TP63: variants seen among roughly 807,000 people sequenced by gnomAD.
The protein encoded by TP63 is tumor protein p63, also known as tumor protein 63.
In TP63, 17 loss-of-function variants were observed where a neutral mutation model predicts 82.8. The ratio of observed to expected loss-of-function variants is 0.21; its 90% CI spans 0.14 to 0.31. The LOEUF (loss-of-function observed/expected upper bound fraction) is 0.31. Among genes scored for constraint, TP63 ranks in the 10% least tolerant of loss-of-function variants. TP63 has a pLI of 1.00. For missense variants in TP63, 648 were observed against 895.3 expected (o/e 0.72, Z 3.52); for synonymous variants, 330 against 321.7 (o/e 1.03, Z -0.28).
In TP63 at chr3:189,868,613, C is replaced by T. The variant is rs2108806329; in HGVS notation, c.1026C>T (p.Ala342=). Residue 342 remains alanine (A), a synonymous_variant, in exon 8 of 14, where the codon GCC becomes GCT. Coordinates refer to ENST00000264731, the MANE Select transcript of TP63 (RefSeq NM_003722.5). Reference sequence around the variant, plus strand: ...TCCTGGGCCGACGCTGCTTTGAGGCCCGGATCTGTGCTTGCCCAGGAAGAG... The same window carrying T: ...TCCTGGGCCGACGCTGCTTTGAGGCTCGGATCTGTGCTTGCCCAGGAAGAG... The part of the protein sequence containing the change: ...GQVLGRRCFE[A]RICACPGRDR... The T allele has an allele frequency of 6.2e-7, 1 of 1,614,052 alleles. No individual in the cohort carries two copies.
At chr3:189,769,389 A>G (rs1350356377) in intron 3 of TP63, among the ~76,000 whole-genome samples, 1 of 152,104 alleles carries the variant, frequency 6.6e-6, no homozygotes, top group African/African-American at 2.4e-5. Flanking sequence ...TGGACAGTAA[A>G]ACACTATTAC....
intron 3 of TP63, among the ~76,000 whole-genome samples, chr3:189,790,019 T>G (rs1311282829): frequency 6.6e-6 from 1 of 151,948 alleles, no homozygotes; most frequent in Non-Finnish European, 1.5e-5. Context: ...TTTTTTTTTT[T>G]TATTAAGTAG....
intron 11 of TP63, 56 bp from the exon 12 acceptor site, chr3:189,889,284 G>A: frequency 3.1e-6 from 5 of 1,613,022 alleles, no homozygotes; most frequent in Non-Finnish European, 4.2e-6. Flanking sequence ...GGACCACTGG[G>A]ATGCTGGTAC....
chr3:189,616,311 T>C, the TP63 span, among the ~76,000 whole-genome samples: 1 of 152,206 alleles, frequency 6.6e-6, no homozygotes, highest in South Asian at 2.1e-4. Flanking sequence ...CTGACAGCAT[T>C]GAGTAGACAG....
intron 3 of TP63, among the ~76,000 whole-genome samples, chr3:189,806,911 AG>A (rs1183498565): frequency 6.6e-6 from 1 of 152,184 alleles, no homozygotes; most frequent in Non-Finnish European, 1.5e-5. Context: ...AATAATTAAA[AG>A]TTTGAAATTT....
At chr3:189,777,482 C>G (rs1272232457) in intron 3 of TP63, among the ~76,000 whole-genome samples, 1 of 152,152 alleles carries the variant, frequency 6.6e-6, no homozygotes, top group Non-Finnish European at 1.5e-5. Flanking sequence ...CAGGTGTGAG[C>G]CACCATGCCT....
intron 3 of TP63, among the ~76,000 whole-genome samples, chr3:189,751,200 T>G (rs1364184813): frequency 6.6e-6 from 1 of 152,260 alleles, no homozygotes; most frequent in Admixed American, 6.5e-5. Flanking sequence ...GTGCCACATT[T>G]TCTTAGTCCA....
intron 1 of TP63, among the ~76,000 whole-genome samples, chr3:189,702,799 C>A (rs1717912087): frequency 6.6e-6 from 1 of 152,186 alleles, no homozygotes; most frequent in African/African-American, 2.4e-5. Context: ...TGCTCCTTTT[C>A]TGCTTCTGTA....
intron 1 of TP63, among the ~76,000 whole-genome samples, chr3:189,733,898 T>A (rs766397526): frequency 2.0e-5 from 3 of 152,148 alleles, no homozygotes; most frequent in Non-Finnish European, 4.4e-5. Context: ...GATTATCAGA[T>A]GGTCTTCTAA....
intron 3 of TP63, among the ~76,000 whole-genome samples, chr3:189,785,439 T>G (rs1231428176): frequency 6.6e-6 from 1 of 152,090 alleles, no homozygotes; most frequent in Non-Finnish European, 1.5e-5. Flanking sequence ...TATACAACTT[T>G]TTGCATTGAA....
chr3:189,610,220 G>A, the TP63 span, among the ~76,000 whole-genome samples: 10,338 of 152,136 alleles, frequency 0.068, 453 homozygotes, highest in Middle Eastern at 0.2. Flanking sequence ...TTTTAATGGG[G>A]TTGTTTGTTT....
chr3:189,858,605 T>C (rs1001976869), intron 4 of TP63, among the ~76,000 whole-genome samples: 1 of 152,008 alleles, frequency 6.6e-6, no homozygotes, highest in Non-Finnish European at 1.5e-5. Context: ...TGAGACCCCA[T>C]CTCTACAAAA....
intron 10 of TP63, among the ~76,000 whole-genome samples, chr3:189,879,313 C>A (rs1398766912): frequency 6.6e-6 from 1 of 152,194 alleles, no homozygotes; most frequent in African/African-American, 2.4e-5. Context: ...GCCCAACTTT[C>A]AGCAAAATAA....
intron 4 of TP63, among the ~76,000 whole-genome samples, chr3:189,847,664 C>T (rs1264409533): frequency 3.3e-5 from 5 of 152,262 alleles, no homozygotes; most frequent in East Asian, 1.9e-4. Flanking sequence ...AAATAGGCAA[C>T]GAGGTTAGTG....
chr3:189,760,355 G>T (rs547333362), intron 3 of TP63, among the ~76,000 whole-genome samples: 3 of 152,306 alleles, frequency 2.0e-5, no homozygotes, highest in African/African-American at 7.2e-5. Flanking sequence ...TACAATGGGG[G>T]TATAGGTATT....
intron 1 of TP63, among the ~76,000 whole-genome samples, chr3:189,727,980 G>T (rs1216007421): frequency 1.3e-5 from 2 of 152,150 alleles, no homozygotes; most frequent in Non-Finnish European, 2.9e-5. Context: ...ATTAACTGAT[G>T]AATTTAGTAT....
At position 189,727,860 on chromosome 3, in the gene TP63, C is replaced by T. The variant is rs1351814203; in HGVS notation, c.63-9880C>T. On this transcript the variant is annotated intron_variant, in intron 1 of 13. Coordinates refer to ENST00000264731, the MANE Select transcript of TP63 (RefSeq NM_003722.5). The stretch of plus-strand genomic sequence containing the variant: ...ACCCTGTTTGTAAGCATGCATGTTA[C>T]TGTGTTTGCATGCTATAATGCTAAA... Among the ~76,000 whole-genome samples, 6 of 152,304 alleles carry T rather than the reference C, an allele frequency of 3.9e-5. No individual in the cohort carries two copies. In the East Asian group the frequency reaches 9.6e-4, roughly 24 times the overall value.
chr3:189,853,584 A>G (rs1715919452), intron 4 of TP63, among the ~76,000 whole-genome samples: 1 of 152,088 alleles, frequency 6.6e-6, no homozygotes, highest in South Asian at 2.1e-4. Context: ...TTTCCTAACA[A>G]TCTTGGAAAA....
At chr3:189,725,370 C>T (rs1050038284) in intron 1 of TP63, among the ~76,000 whole-genome samples, 5 of 151,980 alleles carry the variant, frequency 3.3e-5, no homozygotes, top group African/African-American at 4.8e-5. Context: ...TAGGACTTAT[C>T]GGGACTAGGA....
Sources: gnomAD v4.1 joint callset for allele counts (sites outside exome capture counted in the v4.1 genomes callset) on GRCh38, gnomAD v4.1.1 for gene constraint, MANE v1.5 for transcripts, NCBI Gene and HGNC (gene_info 2026-07-23, HGNC 2026-07-21) for gene names.